PDZRN3: variants seen among roughly 807,000 people sequenced by gnomAD.
PDZRN3 encodes E3 ubiquitin-protein ligase PDZRN3.
Under a neutral mutation model 85.7 loss-of-function variants are expected in PDZRN3, and 38 were observed. The ratio of observed to expected loss-of-function variants is 0.44; its 90% CI spans 0.34 to 0.58. The LOEUF (loss-of-function observed/expected upper bound fraction) is 0.58, where lower values mean the gene tolerates loss of function less well. Among genes scored for constraint, PDZRN3 ranks in the 20% least tolerant of loss-of-function variants. The probability of loss-of-function intolerance (pLI) is 0.01; values close to 1 mark genes in which losing one functional copy is unlikely to be tolerated. For synonymous variants in PDZRN3, 759 were observed against 638.0 expected (o/e 1.19, Z -2.86); for missense variants, 1,629 against 1,506.4 (o/e 1.08, Z -1.35).
intron 3 of PDZRN3, among the ~76,000 whole-genome samples, chr3:73,432,706 T>G (rs182155515): frequency 5.9e-5 from 9 of 152,354 alleles, no homozygotes; most frequent in Non-Finnish European, 1.2e-4. Context: ...AATATATTAA[T>G]ATGCCATTGA....
chr3:73,557,146 T>C (rs1701715319), intron 3 of PDZRN3, among the ~76,000 whole-genome samples: 1 of 152,188 alleles, frequency 6.6e-6, no homozygotes, highest in African/African-American at 2.4e-5. Flanking sequence ...CCTTTCACCC[T>C]GTCCTCCCAG....
chr3:73,431,903 A>C (rs574637174), intron 3 of PDZRN3, among the ~76,000 whole-genome samples: 80 of 152,310 alleles, frequency 5.3e-4, no homozygotes, highest in African/African-American at 1.9e-3. Flanking sequence ...ATGATACAGA[A>C]GAATAAAAGA....
At position 73,392,657 on chromosome 3, in the gene PDZRN3, T is replaced by C. The variant is rs146073265; in HGVS notation, c.1255-1541A>G. Among the ~76,000 whole-genome samples the C allele has an allele frequency of 5.2e-3, 786 of 152,324 alleles. 5 individuals are homozygous for C. Among genetic ancestry groups the C allele is most frequent in the Non-Finnish European group, 7.9e-3 (535 of 68,030 alleles). ...TGCAGGTATGGTTACTTCCCTGAAG[T>C]CACAAGAAGTTGTTTGTGGCAGAGT... is the stretch of plus-strand genomic sequence containing the variant. On this transcript the variant is annotated intron_variant, in intron 5 of 9. Coordinates refer to ENST00000263666, the MANE Select transcript of PDZRN3 (RefSeq NM_015009.3).
chr3:73,471,571 A>G (rs1350582027), intron 3 of PDZRN3, among the ~76,000 whole-genome samples: 1 of 152,118 alleles, frequency 6.6e-6, no homozygotes, highest in Non-Finnish European at 1.5e-5. Flanking sequence ...CATGTCTTGG[A>G]GCCGGGCCAT....
chr3:73,611,801 T>G (rs1323977690), intron 1 of PDZRN3, among the ~76,000 whole-genome samples: 7 of 152,228 alleles, frequency 4.6e-5, no homozygotes, highest in Non-Finnish European at 1.0e-4. Context: ...ATTGAGATTG[T>G]AAACAGATAG....
chr3:73,613,950 T>C (rs748477747), intron 1 of PDZRN3, among the ~76,000 whole-genome samples: 1 of 152,062 alleles, frequency 6.6e-6, no homozygotes, highest in Non-Finnish European at 1.5e-5. Context: ...ATATTAACCT[T>C]GGAGAAGGGG....
chr3:73,589,574 T>G (rs1157980540), intron 3 of PDZRN3, among the ~76,000 whole-genome samples: 1 of 152,196 alleles, frequency 6.6e-6, no homozygotes, highest in East Asian at 1.9e-4. Flanking sequence ...ACTTGTAAGA[T>G]TTACTAAGTC....
chr3:73,616,336 T>C (rs370603993), intron 1 of PDZRN3, among the ~76,000 whole-genome samples: 17,612 of 152,134 alleles, frequency 0.12, 1,135 homozygotes, highest in East Asian at 0.19. Context: ...AAAGCAAGGC[T>C]ACTCATCTAA....
Position 73,390,891 on chromosome 3 carries a change from G to A in PDZRN3, c.1353+127C>T. ...GATGCAGCGCCATGGAGTGTGATGA[G>A]GGGGACAGAATAATTTGTGTCTTTC... On this transcript the variant is annotated intron_variant, in intron 6 of 9. Transcript: ENST00000263666. 6.1e-6 allele frequency: 4 copies of A among 659,724 alleles called. No homozygotes were observed. The East Asian group carries it at 7.6e-5, about 13-fold the overall frequency. The allele number at this position is 659,724 out of a possible 1,614,324, so 40.9% of individuals were successfully genotyped here. A position where few individuals can be genotyped will look rare whatever the true frequency, so the allele number is the denominator to read the frequency against.
chr3:73,607,166 A>G (rs1161919043), intron 2 of PDZRN3, among the ~76,000 whole-genome samples: 1 of 152,226 alleles, frequency 6.6e-6, no homozygotes, highest in Non-Finnish European at 1.5e-5. Flanking sequence ...GGGTCTTCAC[A>G]GGTGAATGCG....
chr3:73,499,586 A>C (rs1703937674), intron 3 of PDZRN3, among the ~76,000 whole-genome samples: 1 of 152,198 alleles, frequency 6.6e-6, no homozygotes, highest in African/African-American at 2.4e-5. Flanking sequence ...GAATGATCCT[A>C]ATTCTGAAAC....
intron 3 of PDZRN3, among the ~76,000 whole-genome samples, chr3:73,520,051 G>C (rs372552900): frequency 2.0e-5 from 3 of 152,248 alleles, no homozygotes; most frequent in African/African-American, 7.2e-5. Flanking sequence ...TTAAAGCAGG[G>C]GGGAACACAG....
At chr3:73,435,455 T>C (rs561183414) in intron 3 of PDZRN3, among the ~76,000 whole-genome samples, 2 of 152,338 alleles carry the variant, frequency 1.3e-5, no homozygotes, top group South Asian at 2.1e-4. Context: ...GAGTACGTTA[T>C]TGGCCCTCTG....
chr3:73,416,592 G>C (rs945218453), intron 3 of PDZRN3, among the ~76,000 whole-genome samples: 2 of 152,064 alleles, frequency 1.3e-5, no homozygotes, highest in African/African-American at 4.8e-5. Flanking sequence ...TGCTTCCTAA[G>C]ACTCTGGAAT....
chr3:73,576,505 TA>T (rs974629754), intron 3 of PDZRN3, among the ~76,000 whole-genome samples: 2 of 151,880 alleles, frequency 1.3e-5, no homozygotes, highest in African/African-American at 4.8e-5. Flanking sequence ...TCTTTCTGTA[TA>T]AAAAAAATCA....
At chr3:73,588,327 C>A (rs1315486467) in intron 3 of PDZRN3, among the ~76,000 whole-genome samples, 3 of 152,220 alleles carry the variant, frequency 2.0e-5, no homozygotes, top group African/African-American at 7.2e-5. Context: ...TTTGTCCAGG[C>A]TATCGTTGAT....
At chr3:73,406,145 G>A (rs774887157) in intron 3 of PDZRN3, among the ~76,000 whole-genome samples, 1 of 152,178 alleles carries the variant, frequency 6.6e-6, no homozygotes, top group African/African-American at 2.4e-5. Flanking sequence ...AGTAAATAAG[G>A]AACTGTCTGA....
At chr3:73,543,120 G>T (rs891611632) in intron 3 of PDZRN3, among the ~76,000 whole-genome samples, 3 of 152,222 alleles carry the variant, frequency 2.0e-5, no homozygotes, top group Admixed American at 6.5e-5. Context: ...AAGGATTCAG[G>T]ATTGTTTTCT....
rs192279408 is a variant in PDZRN3, at chr3:73,449,875, C to T, written c.919-45480G>A. 1.9e-4 allele frequency among the ~76,000 whole-genome samples: 29 copies of T among 152,258 alleles called. No individual in the cohort carries two copies. The East Asian group carries it at 4.3e-3, about 22-fold the overall frequency. On this transcript the variant is annotated intron_variant, in intron 3 of 9. Transcript: ENST00000263666. ...AAGCCTGTTCTAACTGCATGCTTTA[C>T]GTAGATGAGGCAATTGACTTAAAAA...
Sources: gnomAD v4.1 joint callset for allele counts (sites outside exome capture counted in the v4.1 genomes callset) on GRCh38, gnomAD v4.1.1 for gene constraint, MANE v1.5 for transcripts, NCBI Gene and HGNC (gene_info 2026-07-23, HGNC 2026-07-21) for gene names.